The following TNR variants were observed in gnomAD, a reference collection of about 807,000 sequenced individuals.
TNR encodes the protein tenascin-R.
A neutral mutation model predicts 150.4 loss-of-function variants in TNR; 45 were observed. That is an observed-to-expected ratio of 0.30 (90% CI 0.24 to 0.38). The LOEUF is 0.38. TNR is among the 10% of genes least tolerant of loss of function. The pLI is 1.00. For missense variants in TNR, 1,544 were observed against 1,759.1 expected (o/e 0.88, Z 2.19); for synonymous variants, 687 against 678.4 (o/e 1.01, Z -0.20).
At chr1:175,443,361 C>T (rs928863894) in intron 2 of TNR, among the ~76,000 whole-genome samples, 1 of 152,158 alleles carries the variant, frequency 6.6e-6, no homozygotes, top group Admixed American at 6.6e-5. Context: ...CACAGCAGGA[C>T]GATCGAGGCG....
chr1:175,587,619 C>T (rs2101835013), intron 1 of TNR, among the ~76,000 whole-genome samples: 1 of 152,222 alleles, frequency 6.6e-6, no homozygotes, highest in South Asian at 2.1e-4. Flanking sequence ...GACCTGGTGT[C>T]AGAAGCATTG....
chr1:175,506,158 G>A (rs528789486), intron 2 of TNR, among the ~76,000 whole-genome samples: 1 of 152,350 alleles, frequency 6.6e-6, no homozygotes, highest in African/African-American at 2.4e-5. Flanking sequence ...TGCTCTGGAA[G>A]GATGATCCTA....
intron 1 of TNR, among the ~76,000 whole-genome samples, chr1:175,600,334 G>T (rs1663187050): frequency 6.6e-6 from 1 of 152,152 alleles, no homozygotes; most frequent in Non-Finnish European, 1.5e-5. Flanking sequence ...TATGCAGTGA[G>T]ATATCCTATA....
chr1:175,403,696 T>C (rs1404074037), intron 3 of TNR, 80 bp from the exon 4 acceptor site: 2 of 1,164,432 alleles, frequency 1.7e-6, no homozygotes, highest in Non-Finnish European at 2.5e-6. Flanking sequence ...GGCAAAGGCC[T>C]CTCTACTCAT....
intron 1 of TNR, among the ~76,000 whole-genome samples, chr1:175,536,686 T>C (rs750395702): frequency 6.6e-6 from 1 of 152,220 alleles, no homozygotes; most frequent in Non-Finnish European, 1.5e-5. Flanking sequence ...GGCAGTGTTT[T>C]TGACCTTCTC....
intron 2 of TNR, among the ~76,000 whole-genome samples, chr1:175,503,592 T>C (rs140502956): frequency 0.012 from 1,807 of 152,238 alleles, 14 homozygotes; most frequent in Non-Finnish European, 0.021. Context: ...ACAAGGTACC[T>C]TGGGCCCCGG....
intron 21 of TNR, 40 bp from the exon 22 acceptor site, chr1:175,324,559 A>C (rs1649254468): frequency 6.2e-7 from 1 of 1,602,424 alleles, no homozygotes; most frequent in African/African-American, 1.3e-5. Context: ...CCCATTTGTC[A>C]CTGCTTTATC....
rs1648925538 is a variant in TNR, at chr1:175,319,251, A to C, written c.*4106T>G. ...TATTTGCAAATCCAGGTCACCAGCT[A>C]GTCTATTTCAACACCCATAGCTTGG... On this transcript the variant is annotated 3_prime_UTR_variant, in exon 23 of 23. Coordinates refer to ENST00000367674, the MANE Select transcript of TNR (RefSeq NM_003285.3). 1 of 152,216 alleles carries C rather than the reference A, an allele frequency of 6.6e-6. No homozygotes were observed. The allele number at this position is 152,216 out of a possible 1,614,324, so 9.4% of individuals were successfully genotyped here. A position where few individuals can be genotyped will look rare whatever the true frequency, so the allele number is the denominator to read the frequency against.
intron 1 of TNR, among the ~76,000 whole-genome samples, chr1:175,609,576 G>A (rs1663528402): frequency 6.6e-6 from 1 of 152,126 alleles, no homozygotes. Context: ...ATCCTTAGGG[G>A]GCACCCTGCA....
chr1:175,588,959 A>G (rs1380218388), intron 1 of TNR, among the ~76,000 whole-genome samples: 2 of 152,164 alleles, frequency 1.3e-5, no homozygotes, highest in Non-Finnish European at 2.9e-5. Flanking sequence ...ATGATGCATA[A>G]GAAGCCCAAG....
chr1:175,505,331 C>G (rs560777777), intron 2 of TNR, among the ~76,000 whole-genome samples: 61 of 152,356 alleles, frequency 4.0e-4, no homozygotes, highest in African/African-American at 1.4e-3. Context: ...AGGAGCGGGA[C>G]TGACGGGCTG....
chr1:175,630,109 A>G (rs1387346507), intron 1 of TNR, among the ~76,000 whole-genome samples: 2 of 152,162 alleles, frequency 1.3e-5, no homozygotes, highest in Non-Finnish European at 2.9e-5. Context: ...TGCAGGCCCA[A>G]GTCTAGGAAC....
chr1:175,574,197 C>T (rs1017988595), intron 1 of TNR, among the ~76,000 whole-genome samples: 6 of 152,154 alleles, frequency 3.9e-5, no homozygotes, highest in African/African-American at 1.4e-4. Context: ...CAGGCCATTA[C>T]CATGGCCTTA....
chr1:175,365,042 G>A lies in TNR; in HGVS notation c.2555C>T (p.Thr852Ile), dbSNP rs368041150. The change falls in exon 12 of 23, where the codon ACC becomes ATC. Residue 852 changes from threonine (T) to isoleucine (I), a missense_variant. Physicochemically the swap from Thr to Ile is moderately conservative, Grantham distance 89. Coordinates refer to ENST00000367674, the MANE Select transcript of TNR (RefSeq NM_003285.3). ...VNLVAVHGTV[T>I]SEPIVGSITT... is the part of the protein sequence containing the mutation. ...GATGGAGCCCACAATGGGCTCAGAGGTCACTGTGCCATGGACAGCCACAAG... is the reference window on the plus strand; with the variant it reads ...GATGGAGCCCACAATGGGCTCAGAGATCACTGTGCCATGGACAGCCACAAG... 36 of 1,613,396 alleles carry A rather than the reference G, an allele frequency of 2.2e-5. No individual in the cohort carries two copies. Among genetic ancestry groups the A allele is most frequent in the African/African-American group, 6.7e-5 (5 of 74,902 alleles).
intron 1 of TNR, among the ~76,000 whole-genome samples, chr1:175,672,670 G>A (rs193163554): frequency 3.3e-5 from 5 of 152,160 alleles, no homozygotes; most frequent in African/African-American, 7.2e-5. Context: ...AGCTCTTTTT[G>A]CTGACAGCAC....
chr1:175,620,579 G>T (rs922583945), intron 1 of TNR, among the ~76,000 whole-genome samples: 1 of 152,208 alleles, frequency 6.6e-6, no homozygotes, highest in Non-Finnish European at 1.5e-5. Flanking sequence ...GCAGCAGGAG[G>T]CAGAGAGAAA....
intron 2 of TNR, among the ~76,000 whole-genome samples, chr1:175,471,464 C>T (rs1051516475): frequency 2.0e-5 from 3 of 152,156 alleles, no homozygotes; most frequent in African/African-American, 4.8e-5. Flanking sequence ...TTGCTCCTAC[C>T]CTGTAAACCT....
intron 1 of TNR, among the ~76,000 whole-genome samples, chr1:175,735,101 C>T (rs945903228): frequency 4.6e-5 from 7 of 152,206 alleles, no homozygotes; most frequent in Admixed American, 2.6e-4. Flanking sequence ...GAGACAGTCC[C>T]TTTATAGGTG....
At chr1:175,366,410 T>G (rs1196553047) in intron 10 of TNR, among the ~76,000 whole-genome samples, 1 of 152,200 alleles carries the variant, frequency 6.6e-6, no homozygotes, top group East Asian at 1.9e-4. Context: ...GGCTGCTGAT[T>G]TTCAAGCTCG....
Sources: gnomAD v4.1 joint callset for allele counts (sites outside exome capture counted in the v4.1 genomes callset) on GRCh38, gnomAD v4.1.1 for gene constraint, MANE v1.5 for transcripts, NCBI Gene and HGNC (gene_info 2026-07-23, HGNC 2026-07-21) for gene names.